The following ROR2 variants were observed in gnomAD, a reference collection of about 807,000 sequenced individuals.
ROR2 encodes the protein tyrosine-protein kinase transmembrane receptor ROR2.
ROR2 carries 33 observed loss-of-function variants against 74.9 expected under a neutral mutation model. The ratio of observed to expected loss-of-function variants is 0.44; its 90% CI spans 0.33 to 0.59. The LOEUF is 0.59. Among genes scored for constraint, ROR2 ranks in the 20% least tolerant of loss-of-function variants. The pLI, the probability that ROR2 is intolerant of heterozygous loss-of-function variation, is 0.02. For synonymous variants in ROR2, 586 were observed against 558.7 expected (o/e 1.05, Z -0.69); for missense variants, 1,216 against 1,313.8 (o/e 0.93, Z 1.15).
chr9:91,783,664 C>T (rs1826699838), intron 1 of ROR2, among the ~76,000 whole-genome samples: 1 of 152,228 alleles, frequency 6.6e-6, no homozygotes, highest in African/African-American at 2.4e-5. Flanking sequence ...GCTCTTACCT[C>T]CTTGGCTGAC....
At chr9:91,837,842 G>A (rs1828656565) in intron 1 of ROR2, among the ~76,000 whole-genome samples, 1 of 152,188 alleles carries the variant, frequency 6.6e-6, no homozygotes, top group South Asian at 2.1e-4. Context: ...CTATAAGGTA[G>A]AAGTAAAAGA....
intron 1 of ROR2, among the ~76,000 whole-genome samples, chr9:91,862,357 C>G (rs528465225): frequency 3.3e-5 from 5 of 149,730 alleles, no homozygotes; most frequent in South Asian, 2.1e-4. Context: ...GGAGGAGGAG[C>G]AGGAGCAGCA....
chr9:91,820,004 C>CT (rs1828090852), intron 1 of ROR2, among the ~76,000 whole-genome samples: 1 of 152,098 alleles, frequency 6.6e-6, no homozygotes, highest in African/African-American at 2.4e-5. Flanking sequence ...CCGTGTGTGT[C>CT]TGTGTGTGCA....
intron 1 of ROR2, among the ~76,000 whole-genome samples, chr9:91,873,840 T>C (rs2119339388): frequency 6.6e-6 from 1 of 152,350 alleles, no homozygotes; most frequent in East Asian, 1.9e-4. Context: ...CATCAAGAGA[T>C]GCCTTCAGGG....
At chr9:91,941,750 C>T (rs1831875561) in intron 1 of ROR2, among the ~76,000 whole-genome samples, 1 of 150,786 alleles carries the variant, frequency 6.6e-6, no homozygotes, top group Admixed American at 6.6e-5. Context: ...ACTGTCTCCC[C>T]ACCCCGCCCA....
chr9:91,896,234 T>C (rs1830535149), intron 1 of ROR2, among the ~76,000 whole-genome samples: 2 of 152,198 alleles, frequency 1.3e-5, no homozygotes, highest in Admixed American at 6.5e-5. Context: ...CTCCTTAGAC[T>C]GCGTGTCCTT....
chr9:91,900,051 G>A (rs1830632842), intron 1 of ROR2, among the ~76,000 whole-genome samples: 1 of 152,182 alleles, frequency 6.6e-6, no homozygotes, highest in African/African-American at 2.4e-5. Flanking sequence ...GAGACCAAAA[G>A]AATGCCAGCC....
chr9:91,949,052 G>A (rs1336613880), intron 1 of ROR2, among the ~76,000 whole-genome samples: 1 of 151,866 alleles, frequency 6.6e-6, no homozygotes. Context: ...GTGGGGCCCC[G>A]GGAGGAAACC....
intron 1 of ROR2, among the ~76,000 whole-genome samples, chr9:91,838,939 C>G (rs1042389238): frequency 6.6e-6 from 1 of 152,024 alleles, no homozygotes; most frequent in African/African-American, 2.4e-5. Context: ...CCGGTGGACT[C>G]TAAGGGAGAA....
intron 1 of ROR2, among the ~76,000 whole-genome samples, chr9:91,782,005 G>C (rs1341803734): frequency 2.6e-5 from 4 of 152,216 alleles, no homozygotes; most frequent in African/African-American, 7.2e-5. Flanking sequence ...TTTAGGTGAA[G>C]GGGGAGAGAG....
At chr9:91,949,015 C>T in intron 1 of ROR2, 3 of 837,030 alleles carry the variant, frequency 3.6e-6, no homozygotes, top group Non-Finnish European at 2.9e-6. Context: ...ATCCAAGCAG[C>T]CGAAACCGCG....
chr9:91,878,602 T>G (rs6479377), intron 1 of ROR2, among the ~76,000 whole-genome samples: 66,318 of 152,102 alleles, frequency 0.44, 16,037 homozygotes, highest in African/African-American at 0.64. Flanking sequence ...TGGGCTCAAA[T>G]TGGTCCAGTT....
At chr9:91,858,823 C>T (rs1485695774) in intron 1 of ROR2, among the ~76,000 whole-genome samples, 1 of 152,144 alleles carries the variant, frequency 6.6e-6, no homozygotes, top group East Asian at 1.9e-4. Context: ...AGGCCAGTGC[C>T]AGCAACTCCA....
At chr9:91,838,955 T>C (rs1828696760) in intron 1 of ROR2, among the ~76,000 whole-genome samples, 1 of 152,144 alleles carries the variant, frequency 6.6e-6, no homozygotes, top group Non-Finnish European at 1.5e-5. Context: ...GAGAATTAGA[T>C]AAATTTCAGT....
intron 2 of ROR2, among the ~76,000 whole-genome samples, chr9:91,764,776 G>T (rs1826012958): frequency 6.6e-6 from 1 of 152,158 alleles, no homozygotes; most frequent in South Asian, 2.1e-4. Context: ...TTTGGGTAAA[G>T]GACTAAGGCT....
chr9:91,849,699 CTT>C (rs891244616), intron 1 of ROR2, among the ~76,000 whole-genome samples: 6 of 152,216 alleles, frequency 3.9e-5, no homozygotes, highest in African/African-American at 7.2e-5. Flanking sequence ...ACACTCCTCT[CTT>C]TGAGTCACAC....
chr9:91,802,373 G>T (rs1174609513), intron 1 of ROR2, among the ~76,000 whole-genome samples: 1 of 152,092 alleles, frequency 6.6e-6, no homozygotes. Flanking sequence ...ACCGCGCCTG[G>T]CCAATTTGGC....
chr9:91,744,683 A>G (rs1421312596), intron 4 of ROR2, among the ~76,000 whole-genome samples: 1 of 152,192 alleles, frequency 6.6e-6, no homozygotes, highest in Non-Finnish European at 1.5e-5. Flanking sequence ...CCCAACACCA[A>G]TGTTTGATAT....
intron 1 of ROR2, among the ~76,000 whole-genome samples, chr9:91,933,239 C>T (rs1831597100): frequency 6.6e-6 from 1 of 152,168 alleles, no homozygotes; most frequent in African/African-American, 2.4e-5. Flanking sequence ...TCGCTTGAAC[C>T]CAGGAGGTGG....
Sources: gnomAD v4.1 joint callset for allele counts (sites outside exome capture counted in the v4.1 genomes callset) on GRCh38, gnomAD v4.1.1 for gene constraint, MANE v1.5 for transcripts, NCBI Gene and HGNC (gene_info 2026-07-23, HGNC 2026-07-21) for gene names.